The following CYP7B1 variants were observed in gnomAD, a reference collection of about 807,000 sequenced individuals.
The protein encoded by CYP7B1 is cytochrome P450 family 7 subfamily B member 1.
Under a neutral mutation model 42.7 loss-of-function variants are expected in CYP7B1, and 29 were observed. The ratio of observed to expected loss-of-function variants is 0.68; its 90% CI spans 0.51 to 0.93. The LOEUF (loss-of-function observed/expected upper bound fraction) is 0.93. Ranked by LOEUF, CYP7B1 falls within the 40% of genes least tolerant of loss-of-function variation. CYP7B1 has a pLI of 0.00. For missense variants in CYP7B1, 655 were observed against 600.5 expected (o/e 1.09, Z -0.95); for synonymous variants, 235 against 218.2 (o/e 1.08, Z -0.68).
intron 4 of CYP7B1, among the ~76,000 whole-genome samples, chr8:64,610,597 C>T (rs1805349621): frequency 6.6e-6 from 1 of 152,092 alleles, no homozygotes; most frequent in South Asian, 2.1e-4. Context: ...GGAATGCTCT[C>T]TATTATCTTT....
At chr8:64,612,693 T>A (rs893508738) in intron 4 of CYP7B1, among the ~76,000 whole-genome samples, 2 of 152,144 alleles carry the variant, frequency 1.3e-5, no homozygotes, top group Non-Finnish European at 2.9e-5. Context: ...TCCTCCTTCC[T>A]GGTAAAAAGT....
Position 64,593,409 on chromosome 8 carries a change from T to G in CYP7B1, c.*3233A>C, listed in dbSNP as rs948309489. ...TATATTTGCCTATCTCAGTCTTAGCTCCGGGTAAAAATAAACAAAAAAATG... is the reference window on the plus strand; with the variant it reads ...TATATTTGCCTATCTCAGTCTTAGCGCCGGGTAAAAATAAACAAAAAAATG... On this transcript the variant is annotated 3_prime_UTR_variant, in exon 6 of 6. Transcript: ENST00000310193. Among the ~76,000 whole-genome samples the G allele has an allele frequency of 2.6e-5, 4 of 151,994 alleles. 1 individual carries two copies. Among genetic ancestry groups the G allele is most frequent in the African/African-American group, 9.7e-5 (4 of 41,358 alleles).
At chr8:64,713,506 TGAAAA>T (rs901415760) in intron 1 of CYP7B1, among the ~76,000 whole-genome samples, 3 of 151,676 alleles carry the variant, frequency 2.0e-5, no homozygotes, top group Non-Finnish European at 2.9e-5. Flanking sequence ...AACATGAACT[TGAAAA>T]GAAAGAAATG....
At chr8:64,774,331 C>T (rs1008985128) in intron 1 of CYP7B1, among the ~76,000 whole-genome samples, 5 of 152,060 alleles carry the variant, frequency 3.3e-5, no homozygotes, top group African/African-American at 7.2e-5. Flanking sequence ...TAGTAGGTAG[C>T]CAATAAATAC....
At position 64,616,415 on chromosome 8, in the gene CYP7B1, CCAT is replaced by C. The variant is rs1805450484; in HGVS notation, c.260-137_260-135del. 23 of 661,412 alleles carry C rather than the reference CCAT, an allele frequency of 3.5e-5. No homozygotes were observed. In the Admixed American group the frequency reaches 5.0e-4, roughly 14 times the overall value. 41.0% of individuals were successfully genotyped at this position (661,412 alleles called of 1,614,324 possible). The stretch of plus-strand genomic sequence containing the variant: ...CTAAGGCAAAAAGTTTAATACAAAT[CCAT>C]TTCATTCGAAGGTACACTACATGTT... On this transcript the variant is annotated intron_variant, in intron 2 of 5. Transcript: ENST00000310193.
intron 1 of CYP7B1, among the ~76,000 whole-genome samples, chr8:64,773,890 T>C (rs1309834029): frequency 6.6e-6 from 1 of 152,172 alleles, no homozygotes; most frequent in Non-Finnish European, 1.5e-5. Flanking sequence ...GTGACATTTA[T>C]CCATTCACGA....
At chr8:64,639,898 G>A (rs1393415592) in intron 1 of CYP7B1, among the ~76,000 whole-genome samples, 1 of 151,702 alleles carries the variant, frequency 6.6e-6, no homozygotes, top group Non-Finnish European at 1.5e-5. Flanking sequence ...ACAAAATGTG[G>A]TGTATCTACA....
intron 1 of CYP7B1, among the ~76,000 whole-genome samples, chr8:64,690,988 T>C (rs1806730889): frequency 6.6e-6 from 1 of 152,208 alleles, no homozygotes; most frequent in South Asian, 2.1e-4. Flanking sequence ...CCTGGTTTGA[T>C]GAGCAATTCT....
chr8:64,797,870 T>C lies in CYP7B1; in HGVS notation c.122+596A>G, dbSNP rs537796491. Among the ~76,000 whole-genome samples, 8 of 152,352 alleles carry C rather than the reference T, an allele frequency of 5.3e-5. No homozygotes were observed. The East Asian group carries it at 1.5e-3, about 29-fold the overall frequency. On this transcript the variant is annotated intron_variant, in intron 1 of 5. Coordinates refer to ENST00000310193, the MANE Select transcript of CYP7B1 (RefSeq NM_004820.5). ...CAAATTAAAGTGACACACGTCTAGA[T>C]TTTGTCATTATTGTGTGTTTTGTTT... is the stretch of plus-strand genomic sequence containing the variant.
At chr8:64,673,007 T>C (rs1806389302) in intron 1 of CYP7B1, among the ~76,000 whole-genome samples, 1 of 152,138 alleles carries the variant, frequency 6.6e-6, no homozygotes, top group Non-Finnish European at 1.5e-5. Context: ...AGTAGTCATG[T>C]TCAAAGGCAA....
intron 1 of CYP7B1, among the ~76,000 whole-genome samples, chr8:64,735,813 G>T (rs1807479064): frequency 2.6e-5 from 4 of 152,116 alleles, no homozygotes; most frequent in Non-Finnish European, 4.4e-5. Context: ...CTGGAAAAGG[G>T]TAAGAATTCT....
chr8:64,691,486 G>GA (rs972779853), intron 1 of CYP7B1, among the ~76,000 whole-genome samples: 2 of 149,700 alleles, frequency 1.3e-5, no homozygotes, highest in African/African-American at 2.5e-5. Flanking sequence ...GGCAACTGGG[G>GA]GGGGGGGGTG....
chr8:64,605,635 C>G (rs571520557), intron 4 of CYP7B1, among the ~76,000 whole-genome samples: 1 of 152,306 alleles, frequency 6.6e-6, no homozygotes, highest in East Asian at 1.9e-4. Context: ...ATAAATCATT[C>G]TGATAGCATG....
At chr8:64,790,186 G>A (rs2129718876) in intron 1 of CYP7B1, among the ~76,000 whole-genome samples, 1 of 152,206 alleles carries the variant, frequency 6.6e-6, no homozygotes, top group Middle Eastern at 3.4e-3. Context: ...ATAACATTAA[G>A]GCTAGAAGAC....
chr8:64,638,287 G>T (rs1805803940), intron 1 of CYP7B1, among the ~76,000 whole-genome samples: 1 of 152,074 alleles, frequency 6.6e-6, no homozygotes, highest in Admixed American at 6.6e-5. Context: ...GTGTGTGTTT[G>T]CAGGGCTGGT....
intron 2 of CYP7B1, among the ~76,000 whole-genome samples, chr8:64,623,591 G>A (rs1805562709): frequency 6.6e-6 from 1 of 152,174 alleles, no homozygotes; most frequent in Non-Finnish European, 1.5e-5. Context: ...TTGTGAACTA[G>A]TAACAGTCTA....
chr8:64,792,941 T>C (rs1459197542), intron 1 of CYP7B1, among the ~76,000 whole-genome samples: 1 of 152,116 alleles, frequency 6.6e-6, no homozygotes, highest in Admixed American at 6.5e-5. Flanking sequence ...GTGATTAAGT[T>C]AAGGATCGTG....
intron 1 of CYP7B1, among the ~76,000 whole-genome samples, chr8:64,772,847 T>C (rs1392778304): frequency 1.3e-5 from 2 of 152,196 alleles, no homozygotes; most frequent in Non-Finnish European, 1.5e-5. Context: ...TCCTTACCAT[T>C]TGTCAGGGAC....
intron 1 of CYP7B1, among the ~76,000 whole-genome samples, chr8:64,677,831 CATA>C (rs1446559057): frequency 2.7e-5 from 4 of 147,024 alleles, no homozygotes; most frequent in African/African-American, 7.7e-5. Context: ...CTTTCTGGCA[CATA>C]ATAAGTGTTT....
Sources: allele counts gnomAD v4.1 joint callset (sites outside exome capture counted in the v4.1 genomes callset), GRCh38; gene constraint gnomAD v4.1.1; transcripts MANE v1.5; gene names NCBI Gene and HGNC (gene_info 2026-07-23, HGNC 2026-07-21).